Variants in JAK1 observed in about 807,000 individuals in gnomAD.
JAK1 encodes tyrosine-protein kinase JAK1.
A neutral mutation model predicts 136.6 loss-of-function variants in JAK1; 16 were observed. That is an observed-to-expected ratio of 0.12 (90% CI 0.08 to 0.18). The LOEUF is 0.18. Ranked by LOEUF, JAK1 falls within the 10% of genes least tolerant of loss-of-function variation. JAK1 has a pLI of 1.00. For missense variants in JAK1, 859 were observed against 1,450.1 expected, an observed-to-expected ratio of 0.59 and a Z score of 6.62; for synonymous variants, 492 against 519.5, an observed-to-expected ratio of 0.95 and a Z score of 0.72.
intron 2 of JAK1, among the ~76,000 whole-genome samples, chr1:64,980,260 G>T (rs1413338980): frequency 6.6e-6 from 1 of 152,088 alleles, no homozygotes; most frequent in Non-Finnish European, 1.5e-5. Flanking sequence ...CAAGAGTGAG[G>T]TAACTTCTGG....
chr1:64,852,676 C>T (rs1398162003), intron 11 of JAK1, among the ~76,000 whole-genome samples: 3 of 152,176 alleles, frequency 2.0e-5, no homozygotes. Context: ...GGGAACATGG[C>T]ACCAGGGTTA....
At position 64,984,964 on chromosome 1, in the gene JAK1, C is replaced by T; in HGVS notation, c.-78+59516G>A. On this transcript the variant is annotated intron_variant, in intron 2 of 25. Transcript: ENST00000671954. This position sits in a 1 kb window ranked among gnomAD's most constrained non-coding sequence, Gnocchi z 4.1. ...CAGGGAATGTGGTCTGGCCCAATTT[C>T]AAAGAAGACCACAAAGACCAAGATA... 1.0e-6 allele frequency: 1 copy of T among 978,978 alleles called. No homozygotes were observed. Among genetic ancestry groups the T allele is most frequent in the Non-Finnish European group, 1.7e-6 (1 of 605,284 alleles). The allele number at this position is 978,978 out of a possible 1,614,324, so 60.6% of individuals were successfully genotyped here.
intron 2 of JAK1, among the ~76,000 whole-genome samples, chr1:65,013,219 A>C (rs1646864616): frequency 6.6e-6 from 1 of 151,014 alleles, no homozygotes; most frequent in South Asian, 2.1e-4. Context: ...AACATGGTGA[A>C]TCCCCATCTC....
chr1:64,922,818 C>A (rs1018241167), intron 1 of JAK1, among the ~76,000 whole-genome samples: 1 of 152,118 alleles, frequency 6.6e-6, no homozygotes, highest in African/African-American at 2.4e-5. Context: ...GCTTTGACAT[C>A]AGTCAAACCT....
chr1:65,008,889 A>G (rs747195049), intron 2 of JAK1, among the ~76,000 whole-genome samples: 36 of 152,184 alleles, frequency 2.4e-4, no homozygotes, highest in Admixed American at 2.1e-3. Context: ...GGGTCTCCCT[A>G]TGTTGCCCAG....
At chr1:64,913,240 G>T (rs1645315527) in intron 1 of JAK1, among the ~76,000 whole-genome samples, 1 of 152,062 alleles carries the variant, frequency 6.6e-6, no homozygotes, top group South Asian at 2.1e-4. Flanking sequence ...GCCCAGGCTG[G>T]GGTGTCCATA....
At chr1:65,052,496 G>C (rs567054104) in intron 1 of JAK1, among the ~76,000 whole-genome samples, 14 of 151,828 alleles carry the variant, frequency 9.2e-5, no homozygotes, top group Non-Finnish European at 2.1e-4. Flanking sequence ...TGACCAACAC[G>C]GTGAAACCCC....
At chr1:64,915,120 A>G (rs1645371770) in intron 1 of JAK1, among the ~76,000 whole-genome samples, 1 of 152,212 alleles carries the variant, frequency 6.6e-6, no homozygotes, top group African/African-American at 2.4e-5. Flanking sequence ...AAGGTAAATG[A>G]GGCAGGATTC....
At chr1:65,056,502 G>GC (rs1333111790) in intron 1 of JAK1, among the ~76,000 whole-genome samples, 1 of 152,182 alleles carries the variant, frequency 6.6e-6, no homozygotes, top group Non-Finnish European at 1.5e-5. Flanking sequence ...TCTGTACGAG[G>GC]CCTACTCCCT....
exon 1 of JAK1, chr1:65,067,715 T>C (rs1648138452): frequency 6.6e-6 from 1 of 150,514 alleles, no homozygotes; most frequent in African/African-American, 2.4e-5. Context: ...GCCATTTTTC[T>C]GTTTTTATTC....
chr1:64,966,162 C>A (rs987534107), intron 1 of JAK1, among the ~76,000 whole-genome samples, 171 bp downstream of exon 1: 7 of 151,878 alleles, frequency 4.6e-5, no homozygotes, highest in Admixed American at 2.6e-4. Flanking sequence ...AAATCCCCGC[C>A]TTCCCCGCCC....
intron 17 of JAK1, among the ~76,000 whole-genome samples, chr1:64,842,691 G>A (rs143562839): frequency 4.0e-4 from 61 of 152,278 alleles, no homozygotes; most frequent in Middle Eastern, 3.4e-3. Flanking sequence ...TACGCAGCAC[G>A]TGCTCAATAA....
chr1:64,868,753 G>A (rs1197778863), intron 6 of JAK1, among the ~76,000 whole-genome samples: 1 of 152,128 alleles, frequency 6.6e-6, no homozygotes, highest in Non-Finnish European at 1.5e-5. Flanking sequence ...AAAAACTATT[G>A]GATGTCATAG....
In JAK1 at chr1:64,844,242, A is replaced by G. The variant is rs773157331; in HGVS notation, c.2252-27T>C. On this transcript the variant is annotated intron_variant, in intron 16 of 24. Coordinates refer to ENST00000342505, the MANE Select transcript of JAK1 (RefSeq NM_002227.4). The surrounding 1 kb of genome is among the most constrained non-coding windows in gnomAD (Gnocchi z 5.7). ...TGGAAGACAACAGACACACTGATGG[A>G]GCAGTTTCTGGGATCTCCTAGGGAT... 8 of 1,613,904 alleles carry G rather than the reference A, an allele frequency of 5.0e-6. No individual in the cohort carries two copies. In the South Asian group the frequency reaches 8.8e-5, roughly 18 times the overall value.
chr1:64,898,795 GCTCC>G (rs1346913898), intron 1 of JAK1, among the ~76,000 whole-genome samples: 1 of 152,168 alleles, frequency 6.6e-6, no homozygotes, highest in Non-Finnish European at 1.5e-5. Flanking sequence ...CCAGCCAGGT[GCTCC>G]CTGAACATTT....
At chr1:64,960,064 A>G (rs6663109) in intron 1 of JAK1, among the ~76,000 whole-genome samples, 128,174 of 152,042 alleles carry the variant, frequency 0.84, 54,350 homozygotes, top group East Asian at 1. Context: ...TCTCTCAACA[A>G]AACAATTTAA....
chr1:64,837,324 G>C (rs987495353), intron 22 of JAK1, among the ~76,000 whole-genome samples: 1 of 152,204 alleles, frequency 6.6e-6, no homozygotes, highest in African/African-American at 2.4e-5. Context: ...CATGTAGGAT[G>C]CACCTAGGGG....
At chr1:64,872,820 A>T (rs1657153056) in intron 5 of JAK1, among the ~76,000 whole-genome samples, 1 of 152,252 alleles carries the variant, frequency 6.6e-6, no homozygotes, top group South Asian at 2.1e-4. Flanking sequence ...CAAAATCTAT[A>T]CAGTATCTAA....
intron 1 of JAK1, among the ~76,000 whole-genome samples, chr1:64,928,799 A>AAAAAC (rs1645636478): frequency 1.3e-4 from 11 of 85,082 alleles, no homozygotes; most frequent in African/African-American, 9.0e-4. Flanking sequence ...AAAAAAAACA[A>AAAAAC]AAAAAAAAAA....
Sources: gnomAD v4.1 joint callset for allele counts (sites outside exome capture counted in the v4.1 genomes callset) on GRCh38, gnomAD v4.1.1 for gene constraint, Gnocchi (gnomAD v3.1) non-coding constraint, MANE v1.5 for transcripts, NCBI Gene and HGNC (gene_info 2026-07-23, HGNC 2026-07-21) for gene names.